UNC13C: variants seen among roughly 807,000 people sequenced by gnomAD.
The protein encoded by UNC13C is protein unc-13 homolog C.
In UNC13C, 174 loss-of-function variants were observed where a neutral mutation model predicts 245.4. The observed-to-expected ratio is 0.71, with a 90% CI of 0.63 to 0.80. The LOEUF (loss-of-function observed/expected upper bound fraction) is 0.80. UNC13C is among the 30% of genes least tolerant of loss of function. UNC13C has a pLI of 0.00. For synonymous variants in UNC13C, 992 were observed against 895.1 expected, an observed-to-expected ratio of 1.11 and a Z score of -1.93; for missense variants, 2,829 against 2,602.9, an observed-to-expected ratio of 1.09 and a Z score of -1.89.
intron 4 of UNC13C, among the ~76,000 whole-genome samples, chr15:54,189,572 A>C (rs1011874421): frequency 6.6e-6 from 1 of 152,216 alleles, no homozygotes; most frequent in Non-Finnish European, 1.5e-5. Context: ...CAGCTGAAGC[A>C]ATTATGTAGA....
chr15:54,579,978 G>C (rs1898130912), intron 30 of UNC13C, among the ~76,000 whole-genome samples: 1 of 152,168 alleles, frequency 6.6e-6, no homozygotes, highest in Admixed American at 6.5e-5. Context: ...ACTGCTGTTT[G>C]TTTTGTTTTA....
At chr15:54,046,370 T>C (rs1897036560) in intron 2 of UNC13C, among the ~76,000 whole-genome samples, 1 of 152,192 alleles carries the variant, frequency 6.6e-6, no homozygotes, top group Non-Finnish European at 1.5e-5. Flanking sequence ...ATGAGTATGC[T>C]TGTTTTTCCA....
chr15:54,574,995 G>T (rs538364145), intron 30 of UNC13C, among the ~76,000 whole-genome samples: 1 of 151,988 alleles, frequency 6.6e-6, no homozygotes, highest in African/African-American at 2.4e-5. Context: ...CTTTTTATTG[G>T]TCATTTTTAT....
the UNC13C span, among the ~76,000 whole-genome samples, chr15:53,858,454 T>C: frequency 3.7e-4 from 56 of 151,814 alleles, no homozygotes; most frequent in Admixed American, 7.9e-4. Flanking sequence ...GGTGTCTCGC[T>C]CTGTCGCCCA....
chr15:54,043,567 C>T (rs972139975), intron 2 of UNC13C, among the ~76,000 whole-genome samples: 1 of 152,182 alleles, frequency 6.6e-6, no homozygotes, highest in African/African-American at 2.4e-5. Context: ...AGATGTATGA[C>T]AGAGGAGTTT....
chr15:54,325,510 G>T (rs2038276867), intron 14 of UNC13C, among the ~76,000 whole-genome samples: 1 of 151,860 alleles, frequency 6.6e-6, no homozygotes, highest in African/African-American at 2.4e-5. Flanking sequence ...TGCTGCACCC[G>T]CCAACTCATC....
At chr15:54,317,151 A>G (rs912174403) in intron 13 of UNC13C, among the ~76,000 whole-genome samples, 1 of 151,968 alleles carries the variant, frequency 6.6e-6, no homozygotes, top group Admixed American at 6.6e-5. Context: ...TATTATAATT[A>G]CTATTTGACT....
At chr15:54,143,560 A>C in intron 3 of UNC13C, 60 bp from the exon 4 acceptor site, 1 of 1,438,820 alleles carries the variant, frequency 7.0e-7, no homozygotes, top group Non-Finnish European at 9.7e-7. Flanking sequence ...TTTCGTGTAC[A>C]TAAAACTGTA....
chr15:54,178,251 G>A (rs746808661), intron 4 of UNC13C, among the ~76,000 whole-genome samples: 7 of 151,910 alleles, frequency 4.6e-5, no homozygotes, highest in South Asian at 2.1e-4. Flanking sequence ...TGGGGTGTAG[G>A]GAACCCCTGT....
the UNC13C span, among the ~76,000 whole-genome samples, chr15:53,908,638 C>T: frequency 3.5e-5 from 5 of 142,256 alleles, 1 homozygote; most frequent in Admixed American, 3.7e-4. Flanking sequence ...ACCTGTAGTC[C>T]CAGCTTGGGG....
In UNC13C at chr15:54,219,617, A is replaced by G. The variant is rs2035157982; in HGVS notation, c.3072-15413A>G. Among the ~76,000 whole-genome samples, 5 of 149,866 alleles carry G rather than the reference A, an allele frequency of 3.3e-5. No homozygotes were observed. In the South Asian group the frequency reaches 6.4e-4, roughly 19 times the overall value. ...GACAAATGGGATCTAATTAAACTAAAGAGCTTCTGCACAGCAAAAGAAACT... is the reference window on the plus strand; with the variant it reads ...GACAAATGGGATCTAATTAAACTAAGGAGCTTCTGCACAGCAAAAGAAACT... On this transcript the variant is annotated intron_variant, in intron 4 of 32. Transcript: ENST00000260323.
intron 17 of UNC13C, among the ~76,000 whole-genome samples, chr15:54,375,103 G>A (rs895811018): frequency 6.6e-6 from 1 of 152,158 alleles, no homozygotes; most frequent in Non-Finnish European, 1.5e-5. Flanking sequence ...AAGAATTTCT[G>A]TAAGATATAT....
intron 20 of UNC13C, among the ~76,000 whole-genome samples, chr15:54,498,235 ATATT>A (rs1187914495): frequency 1.3e-5 from 2 of 152,098 alleles, no homozygotes; most frequent in African/African-American, 4.8e-5. Context: ...AATAAAATAC[ATATT>A]GTTATTAGGA....
At chr15:54,584,442 C>G (rs768479779) in intron 30 of UNC13C, among the ~76,000 whole-genome samples, 59 of 152,272 alleles carry the variant, frequency 3.9e-4, no homozygotes, top group Non-Finnish European at 7.6e-4. Flanking sequence ...TAGAGCATCC[C>G]CCTTTGTGAC....
chr15:54,166,771 A>G (rs2033176577), intron 4 of UNC13C, among the ~76,000 whole-genome samples: 1 of 152,196 alleles, frequency 6.6e-6, no homozygotes, highest in Admixed American at 6.5e-5. Flanking sequence ...ATGTAGGAAT[A>G]AATTTTAAAT....
At position 54,106,158 on chromosome 15, in the gene UNC13C, A is replaced by G. The variant is rs13329378; in HGVS notation, c.2984-36860A>G. The stretch of plus-strand genomic sequence containing the variant: ...GCAGATTTTAGTAATAAAGTAATTC[A>G]TATTCAGAAGCATCTACCTTTATTT... On this transcript the variant is annotated intron_variant, in intron 2 of 32. Transcript: ENST00000260323. 7.8e-3 allele frequency among the ~76,000 whole-genome samples: 1,194 copies of G among 152,310 alleles called. 15 individuals are homozygous for G. Among genetic ancestry groups the G allele is most frequent in the African/African-American group, 0.028 (1,145 of 41,562 alleles).
intron 2 of UNC13C, among the ~76,000 whole-genome samples, chr15:54,044,812 C>T (rs923913562): frequency 6.6e-6 from 1 of 151,994 alleles, no homozygotes. Context: ...TTTAAATTTG[C>T]CTTTCTCTAA....
In UNC13C at chr15:54,342,478, G is replaced by C. The variant is rs148368242; in HGVS notation, c.4713+3989G>C. Among the ~76,000 whole-genome samples the C allele has an allele frequency of 1.7e-3, 259 of 151,928 alleles. 1 individual carries two copies. Among genetic ancestry groups the C allele is most frequent in the African/African-American group, 6.0e-3 (248 of 41,432 alleles). ...TACTTAGGAGGTTAAGGTGGTTAGA[G>C]TGAGTCCAGGAATTGGAAGTTAGAG... On this transcript the variant is annotated intron_variant, in intron 17 of 32. Transcript: ENST00000260323.
chr15:54,489,071 G>C (rs926933186), intron 19 of UNC13C, among the ~76,000 whole-genome samples: 2 of 152,092 alleles, frequency 1.3e-5, no homozygotes, highest in Admixed American at 1.3e-4. Context: ...GTAGGCATTA[G>C]TTAGGATATA....
Sources: allele counts gnomAD v4.1 joint callset (sites outside exome capture counted in the v4.1 genomes callset), GRCh38; gene constraint gnomAD v4.1.1; transcripts MANE v1.5; gene names NCBI Gene and HGNC (gene_info 2026-07-23, HGNC 2026-07-21).